KCNK10: variants seen among roughly 807,000 people sequenced by gnomAD.
KCNK10 encodes potassium two pore domain channel subfamily K member 10.
KCNK10 carries 25 observed loss-of-function variants against 47.7 expected under a neutral mutation model. That is an observed-to-expected ratio of 0.52 (90% CI 0.38 to 0.73). The LOEUF (loss-of-function observed/expected upper bound fraction) is 0.73, where lower values mean the gene tolerates loss of function less well. Among genes scored for constraint, KCNK10 ranks in the 30% least tolerant of loss-of-function variants. The pLI, the probability that KCNK10 is intolerant of heterozygous loss-of-function variation, is 0.00. For synonymous variants in KCNK10, 303 were observed against 285.6 expected (o/e 1.06, Z -0.61); for missense variants, 563 against 714.5 (o/e 0.79, Z 2.42).
intron 4 of KCNK10, among the ~76,000 whole-genome samples, chr14:88,197,896 A>AGAGAGAGAGAGAGAGAGAGAGAG (rs1555359770): frequency 1.7e-5 from 2 of 117,700 alleles, no homozygotes; most frequent in African/African-American, 7.7e-5. Flanking sequence ...GAGAGAGAGA[A>AGAGAGAGAGAGAGAGAGAGAGAG]GGGGAAAAAA....
At chr14:88,305,972 A>G (rs547943907) in intron 1 of KCNK10, among the ~76,000 whole-genome samples, 4 of 152,288 alleles carry the variant, frequency 2.6e-5, no homozygotes, top group Admixed American at 6.5e-5. Context: ...CCTGGGGTCC[A>G]CTAATTCCCC....
In KCNK10 at chr14:88,186,277, G is replaced by A; in HGVS notation, c.1012-122C>T. The A allele has an allele frequency of 3.4e-6, 4 of 1,190,338 alleles. No individual in the cohort carries two copies. Among genetic ancestry groups the A allele is most frequent in the Non-Finnish European group, 4.6e-6 (4 of 871,320 alleles). The allele number at this position is 1,190,338 out of a possible 1,614,324, so 73.7% of individuals were successfully genotyped here. A position where few individuals can be genotyped will look rare whatever the true frequency, so the allele number is the denominator to read the frequency against. ...CAGGAGGTGACGGAGCACATGCCCAGGGGGAGGTGCAAATGCTACCTTCTG... is the reference window on the plus strand; with the variant it reads ...CAGGAGGTGACGGAGCACATGCCCAAGGGGAGGTGCAAATGCTACCTTCTG... On this transcript the variant is annotated intron_variant, in intron 6 of 6. Coordinates refer to ENST00000319231, the MANE Select transcript of KCNK10 (RefSeq NM_138317.3). The surrounding 1 kb of genome is among the most constrained non-coding windows in gnomAD (Gnocchi z 5.5).
chr14:88,306,181 G>A (rs1888199275), intron 1 of KCNK10, among the ~76,000 whole-genome samples: 1 of 152,164 alleles, frequency 6.6e-6, no homozygotes, highest in African/African-American at 2.4e-5. Flanking sequence ...AGCAGGAATG[G>A]GGCCACTTCC....
intron 1 of KCNK10, among the ~76,000 whole-genome samples, chr14:88,290,669 G>A (rs539403828): frequency 5.3e-5 from 8 of 152,286 alleles, no homozygotes; most frequent in Non-Finnish European, 7.4e-5. Context: ...CAGATGGAAC[G>A]AGACTGACGT....
chr14:88,283,083 A>C (rs1303767735), intron 1 of KCNK10, among the ~76,000 whole-genome samples: 1 of 152,232 alleles, frequency 6.6e-6, no homozygotes, highest in Non-Finnish European at 1.5e-5. Context: ...TGCTGTATGC[A>C]TCTATTAAAC....
chr14:88,227,700 C>T (rs150130873), intron 3 of KCNK10, among the ~76,000 whole-genome samples, 165 bp from the exon 4 acceptor site: 155 of 152,326 alleles, frequency 1.0e-3, no homozygotes, highest in African/African-American at 3.7e-3. Flanking sequence ...TGTTCCATTG[C>T]TTCTCTTCCT....
intron 5 of KCNK10, 35 bp downstream of exon 5, chr14:88,192,189 A>G (rs1884770210): frequency 9.0e-6 from 14 of 1,562,194 alleles, no homozygotes; most frequent in African/African-American, 2.7e-5. Flanking sequence ...TTTTCCCGCC[A>G]GAGCCCCAGT....
chr14:88,294,421 A>G (rs1239918991), intron 1 of KCNK10, among the ~76,000 whole-genome samples: 1 of 152,268 alleles, frequency 6.6e-6, no homozygotes, highest in Non-Finnish European at 1.5e-5. Flanking sequence ...GAATCAAGAA[A>G]TGAAGAACTA....
At chr14:88,287,744 CTCAT>C (rs1361775341) in intron 1 of KCNK10, among the ~76,000 whole-genome samples, 1 of 150,302 alleles carries the variant, frequency 6.7e-6, no homozygotes, top group African/African-American at 2.5e-5. Flanking sequence ...TCTTCATCCA[CTCAT>C]TGATTGATGG....
chr14:88,239,352 A>T (rs536446240), intron 3 of KCNK10, among the ~76,000 whole-genome samples: 2 of 152,356 alleles, frequency 1.3e-5, no homozygotes, highest in East Asian at 3.9e-4. Flanking sequence ...TGACTGCCTT[A>T]TATGTAATAG....
At chr14:88,277,273 T>A (rs1214881758) in intron 1 of KCNK10, among the ~76,000 whole-genome samples, 1 of 150,868 alleles carries the variant, frequency 6.6e-6, no homozygotes, top group East Asian at 1.9e-4. Context: ...CAAAAAAAAA[T>A]AAACAAGATC....
rs1278515163 is a variant in KCNK10 at position 88,184,886 on chromosome 14, T to C, written c.*649A>G. 6.5e-6 allele frequency: 1 copy of C among 152,836 alleles called. No individual in the cohort carries two copies. Among genetic ancestry groups the C allele is most frequent in the Non-Finnish European group, 1.5e-5 (1 of 68,208 alleles). The allele number at this position is 152,836 out of a possible 1,614,324, so 9.5% of individuals were successfully genotyped here. On this transcript the variant is annotated 3_prime_UTR_variant, in exon 7 of 7. Transcript: ENST00000319231. Reference sequence around the variant, plus strand: ...AAGGTGATATCCACAGTGTGATGTGTTTGTGATTATTTTTTTTCTTTTGTC... The same window carrying C: ...AAGGTGATATCCACAGTGTGATGTGCTTGTGATTATTTTTTTTCTTTTGTC...
chr14:88,196,265 G>C (rs928028324), intron 4 of KCNK10, among the ~76,000 whole-genome samples: 3 of 152,162 alleles, frequency 2.0e-5, no homozygotes, highest in African/African-American at 7.2e-5. Flanking sequence ...ATGTGCAATT[G>C]TTCCAAAGAC....
chr14:88,255,673 G>A (rs1886933887), intron 2 of KCNK10, among the ~76,000 whole-genome samples: 1 of 152,088 alleles, frequency 6.6e-6, no homozygotes, highest in African/African-American at 2.4e-5. Context: ...GAGAGGCAGG[G>A]GAGAAGCCAG....
At chr14:88,268,198 T>G (rs1002874614) in intron 1 of KCNK10, among the ~76,000 whole-genome samples, 7 of 152,190 alleles carry the variant, frequency 4.6e-5, no homozygotes, top group African/African-American at 1.7e-4. Context: ...AAGGAGTTCT[T>G]GAGCTGAAGT....
At chr14:88,308,128 G>A (rs1342947740) in intron 1 of KCNK10, among the ~76,000 whole-genome samples, 1 of 152,074 alleles carries the variant, frequency 6.6e-6, no homozygotes, top group East Asian at 1.9e-4. Context: ...TGGGAGTATG[G>A]CCACTGTTAA....
intron 1 of KCNK10, among the ~76,000 whole-genome samples, chr14:88,304,928 T>C (rs964559371): frequency 6.6e-6 from 1 of 152,222 alleles, no homozygotes; most frequent in Non-Finnish European, 1.5e-5. Flanking sequence ...CCAGGTGTGA[T>C]GGCTCATGCC....
At chr14:88,229,695 T>C (rs1234287231) in intron 3 of KCNK10, among the ~76,000 whole-genome samples, 94 of 152,192 alleles carry the variant, frequency 6.2e-4, no homozygotes, top group Non-Finnish European at 8.8e-5. Flanking sequence ...ATCTCATGCA[T>C]GGGCGTGTGT....
intron 4 of KCNK10, among the ~76,000 whole-genome samples, chr14:88,212,519 G>T (rs1039377816): frequency 6.6e-6 from 1 of 151,986 alleles, no homozygotes; most frequent in Non-Finnish European, 1.5e-5. Context: ...ATGAATCATT[G>T]ATGACAACCC....
Sources: gnomAD v4.1 joint callset for allele counts (sites outside exome capture counted in the v4.1 genomes callset) on GRCh38, gnomAD v4.1.1 for gene constraint, Gnocchi (gnomAD v3.1) non-coding constraint, MANE v1.5 for transcripts, NCBI Gene and HGNC (gene_info 2026-07-23, HGNC 2026-07-21) for gene names.